The following AMPD2 variants were observed in gnomAD, a reference collection of about 807,000 sequenced individuals.
AMPD2 encodes adenosine monophosphate deaminase 2.
In AMPD2, 52 loss-of-function variants were observed where a neutral mutation model predicts 91.3. The ratio of observed to expected loss-of-function variants is 0.57; its 90% confidence interval spans 0.46 to 0.72. The LOEUF is 0.72. AMPD2 is among the 30% of genes least tolerant of loss of function. The probability of loss-of-function intolerance (pLI) is 0.00; values close to 1 mark genes in which losing one functional copy is unlikely to be tolerated. For missense variants in AMPD2, 822 were observed against 1,122.3 expected (o/e 0.73, Z 3.82); for synonymous variants, 455 against 456.4 (o/e 1.00, Z 0.04).
intron 2 of AMPD2, chr1:109,622,246 C>T: frequency 2.2e-6 from 1 of 456,326 alleles, no homozygotes; most frequent in African/African-American, 2.0e-5. Context: ...CTGTGCCATC[C>T]AGAAAGGGTG....
At position 109,620,954 on chromosome 1, in the gene AMPD2, G is replaced by C. The variant is rs1650195615; in HGVS notation, c.-222G>C. The C allele has an allele frequency of 6.6e-7, 1 of 1,525,686 alleles. No homozygotes were observed. Among genetic ancestry groups the C allele is most frequent in the Non-Finnish European group, 8.8e-7 (1 of 1,137,476 alleles). The allele number at this position is 1,525,686 out of a possible 1,614,324, so 94.5% of individuals were successfully genotyped here. ...GTCACGTCACTCCTGGGACTGAGGAGGCAGGGGAGGGATAAGGGGCAGAGA... is the reference window on the plus strand; with the variant it reads ...GTCACGTCACTCCTGGGACTGAGGACGCAGGGGAGGGATAAGGGGCAGAGA... On this transcript the variant is annotated 5_prime_UTR_variant, in exon 2 of 19. Coordinates refer to ENST00000528667, the MANE Select transcript of AMPD2 (RefSeq NM_001368809.2).
chr1:109,621,505 C>A, intron 2 of AMPD2: 1 of 627,886 alleles, frequency 1.6e-6, no homozygotes, highest in Non-Finnish European at 2.9e-6. Context: ...AAGGAGTGGG[C>A]ATGGTGTGGG....
intron 2 of AMPD2, among the ~76,000 whole-genome samples, chr1:109,621,644 C>CT (rs1189974886): frequency 6.6e-6 from 1 of 152,190 alleles, no homozygotes; most frequent in Non-Finnish European, 1.5e-5. Context: ...TGACTGGCGC[C>CT]TGTGCCTTTA....
chr1:109,620,046 T>G lies in AMPD2; in HGVS notation c.-495T>G, dbSNP rs1399639753. ...GGGTTGGGTGGTCGCGACACCGGGGTCGCCTTGAGGCCAGTCCGGCTGCCG... is the reference window on the plus strand; with the variant it reads ...GGGTTGGGTGGTCGCGACACCGGGGGCGCCTTGAGGCCAGTCCGGCTGCCG... On this transcript the variant is annotated 5_prime_UTR_variant, in exon 1 of 19. Transcript: ENST00000528667. The G allele has an allele frequency of 5.2e-6, 3 of 574,568 alleles. No individual in the cohort carries two copies. The highest frequency in any genetic ancestry group is 6.2e-6 in the Non-Finnish European group (2 of 320,936). 35.6% of individuals were successfully genotyped at this position (574,568 alleles called of 1,614,324 possible).
intron 4 of AMPD2, 29 bp from the exon 5 acceptor site, chr1:109,626,131 G>A (rs774088979): frequency 1.2e-6 from 2 of 1,613,580 alleles, no homozygotes; most frequent in South Asian, 2.2e-5. Flanking sequence ...CTCGGGATCT[G>A]CCTGACTTCT....
chr1:109,627,246 G>T lies in AMPD2; in HGVS notation c.790G>T (p.Asp264Tyr). 1.2e-6 allele frequency: 2 copies of T among 1,612,390 alleles called. No homozygotes were observed. Among genetic ancestry groups the T allele is most frequent in the South Asian group, 1.1e-5 (1 of 90,862 alleles). Reference sequence around the variant, plus strand: ...CTGTGAGCCAAGCACCATGCCTGGGGACCTGGGCTTGGGTCTGCGCATGGT... The same window carrying T: ...CTGTGAGCCAAGCACCATGCCTGGGTACCTGGGCTTGGGTCTGCGCATGGT... The part of the protein sequence containing the change: ...EHCEPSTMPG[D>Y]LGLGLRMVRG... Residue 264 changes from aspartate to tyrosine, a missense_variant, in exon 8 of 19, where the codon GAC (aspartate) becomes TAC (tyrosine). Coordinates refer to ENST00000528667, the MANE Select transcript of AMPD2 (RefSeq NM_001368809.2).
In AMPD2 at chr1:109,632,006, C is replaced by A. The variant is rs567891907; in HGVS notation, c.*854C>A. The A allele has an allele frequency of 2.0e-5, 3 of 152,646 alleles. No individual in the cohort carries two copies. Among genetic ancestry groups the A allele is most frequent in the Non-Finnish European group, 1.5e-5 (1 of 68,076 alleles). The allele number at this position is 152,646 out of a possible 1,614,324, so 9.5% of individuals were successfully genotyped here. A position where few individuals can be genotyped will look rare whatever the true frequency, so the allele number is the denominator to read the frequency against. On this transcript the variant is annotated 3_prime_UTR_variant, in exon 19 of 19. Transcript: ENST00000528667. ...TTGCTGTGAACTGCAGTGTTTCATA[C>A]GAACCATCTTTCCTAGTGCATGAGA...
intron 15 of AMPD2, 21 bp downstream of exon 15, chr1:109,629,511 C>T: frequency 6.2e-7 from 1 of 1,609,400 alleles, no homozygotes; most frequent in East Asian, 2.2e-5. Flanking sequence ...CACCCTGTGT[C>T]TGCTTGCTAT....
chr1:109,631,212 C>T lies in AMPD2; in HGVS notation c.*60C>T. On this transcript the variant is annotated 3_prime_UTR_variant, in exon 19 of 19. Coordinates refer to ENST00000528667, the MANE Select transcript of AMPD2 (RefSeq NM_001368809.2). ...CTTTTACCACGTTTTGTCCTCAGAC[C>T]CCGCCCATGCTGTGTGGTCTCTGCA... 1 of 1,466,178 alleles carries T rather than the reference C, an allele frequency of 6.8e-7. No individual in the cohort carries two copies. Among genetic ancestry groups the T allele is most frequent in the South Asian group, 1.2e-5 (1 of 82,182 alleles). The allele number at this position is 1,466,178 out of a possible 1,614,324, so 90.8% of individuals were successfully genotyped here.
At chr1:109,622,199 G>T (rs993698806) in intron 2 of AMPD2, 2 of 456,134 alleles carry the variant, frequency 4.4e-6, no homozygotes, top group African/African-American at 4.0e-5. Context: ...CTGGTGCAAG[G>T]TCTCTACTGT....
chr1:109,628,019 C>A lies in AMPD2; in HGVS notation c.1081-64C>A. 6.3e-7 allele frequency: 1 copy of A among 1,596,930 alleles called. No homozygotes were observed. ...CAGTACAGAGGGTCCTTTCCCATTGCACTGCCCCAGGCCCCAGACCTTCCT... is the reference window on the plus strand; with the variant it reads ...CAGTACAGAGGGTCCTTTCCCATTGAACTGCCCCAGGCCCCAGACCTTCCT... On this transcript the variant is annotated intron_variant, in intron 10 of 18. Coordinates refer to ENST00000528667, the MANE Select transcript of AMPD2 (RefSeq NM_001368809.2). The surrounding 1 kb of genome is among the most constrained non-coding windows in gnomAD (Gnocchi z 7.1).
At position 109,626,693 on chromosome 1, in the gene AMPD2, C is replaced by T. The variant is rs749670390; in HGVS notation, c.532-33C>T. 1.2e-5 allele frequency: 19 copies of T among 1,597,728 alleles called. No individual in the cohort carries two copies. In the East Asian group the frequency reaches 3.4e-4, roughly 28 times the overall value. ...AGGGAGGAGGTCTCTGAGTCCAAGA[C>T]TGAGGAGAGTGATCGCATATCCTCA... On this transcript the variant is annotated intron_variant, in intron 6 of 18. Coordinates refer to ENST00000528667, the MANE Select transcript of AMPD2 (RefSeq NM_001368809.2).
At position 109,626,376 on chromosome 1, in the gene AMPD2, G is replaced by C. The variant is rs368102578; in HGVS notation, c.480G>C (p.Val160=). 8.1e-6 allele frequency: 13 copies of C among 1,612,248 alleles called. 1 individual carries two copies. The highest frequency in any genetic ancestry group is 1.7e-4 in the Middle Eastern group (1 of 6,034). Residue 160 remains valine (V), a synonymous_variant, in exon 6 of 19, where the codon GTG becomes GTC. Coordinates refer to ENST00000528667, the MANE Select transcript of AMPD2 (RefSeq NM_001368809.2). ...QGDRSLRERD[V]LEREFQRVTI... Reference sequence around the variant, plus strand: ...ACCGGAGCCTGCGGGAGCGTGATGTGCTGGAACGGGAGTTTCAGCGGGTCA... The same window carrying C: ...ACCGGAGCCTGCGGGAGCGTGATGTCCTGGAACGGGAGTTTCAGCGGGTCA...
Position 109,625,703 on chromosome 1 carries a change from TGC to T in AMPD2, c.265_266del (p.Ala89ProfsTer3). 1 of 1,614,160 alleles carries T rather than the reference TGC, an allele frequency of 6.2e-7. No homozygotes were observed. The highest frequency in any genetic ancestry group is 1.7e-5 in the Admixed American group (1 of 60,026). ...CACTGGCTGAGAGCGAGCTCCGTAG[TGC>T]CCCGTATGAGTTCCCCGAGGAGAGC... ...RSLAESELRS[A>X]PYEFPEESPI... On this transcript the variant is annotated frameshift_variant, in exon 4 of 19. Transcript: ENST00000528667. LOFTEE classifies it high-confidence loss of function. This position sits in a 1 kb window ranked among gnomAD's most constrained non-coding sequence, Gnocchi z 4.0.
Position 109,626,441 on chromosome 1 carries a change from G to GT in AMPD2, c.531+15dup. 6.3e-7 allele frequency: 1 copy of GT among 1,593,328 alleles called. No individual in the cohort carries two copies. ...GAGAAGTGTGGGGTAAGTATGGGGT[G>GT]TATGTTGGGTGAGTCGCCATCACCT... is the stretch of plus-strand genomic sequence containing the variant. On this transcript the variant is annotated intron_variant, in intron 6 of 18. Transcript: ENST00000528667.
Position 109,626,838 on chromosome 1 carries a change from AC to A in AMPD2, c.646del (p.Leu216CysfsTer93), listed in dbSNP as rs775612117. The A allele has an allele frequency of 1.9e-6, 3 of 1,613,858 alleles. No homozygotes were observed. Among genetic ancestry groups the A allele is most frequent in the Non-Finnish European group, 2.5e-6 (3 of 1,179,914 alleles). ...LQSFCPTTRR[Y>X]LQQLAEKPLE... The stretch of plus-strand genomic sequence containing the variant: ...AGCTTCTGCCCCACCACCCGCCGCT[AC>A]CTGCAGCAGCTGGCTGAAAAGCCTC... On this transcript the variant is annotated frameshift_variant, in exon 7 of 19. Coordinates refer to ENST00000528667, the MANE Select transcript of AMPD2 (RefSeq NM_001368809.2). LOFTEE classifies it high-confidence loss of function.
At position 109,630,365 on chromosome 1, in the gene AMPD2, T is replaced by A. The variant is rs1193449887; in HGVS notation, c.2116T>A (p.Ser706Thr). Residue 706 changes from serine to threonine, a missense_variant, in exon 17 of 19, where the codon TCC becomes ACC. Transcript: ENST00000528667. Reference sequence around the variant, plus strand: ...GTACCTGTCCCGCGGCCTCATGGTCTCCCTGTCCACTGATGATCCCTTGCA... The same window carrying A: ...GTACCTGTCCCGCGGCCTCATGGTCACCCTGTCCACTGATGATCCCTTGCA... ...PEYLSRGLMV[S>T]LSTDDPLQFH... 6.2e-7 allele frequency: 1 copy of A among 1,613,374 alleles called. No individual in the cohort carries two copies. Among genetic ancestry groups the A allele is most frequent in the Admixed American group, 1.7e-5 (1 of 59,930 alleles).
rs1406434108 is a variant in AMPD2 at position 109,629,329 on chromosome 1, G to T, written c.1701G>T (p.Val567=). 1 of 1,614,136 alleles carries T rather than the reference G, an allele frequency of 6.2e-7. No individual in the cohort carries two copies. Among genetic ancestry groups the T allele is most frequent in the Admixed American group, 1.7e-5 (1 of 60,024 alleles). Residue 567 remains valine, a splice_region_variant and synonymous_variant, in exon 15 of 19, where the codon GTG becomes GTT. Transcript: ENST00000528667. Reference sequence around the variant, plus strand: ...CTGACCCCAGGGTTCTGTATTAGGTGGATGGTTTTGACAGCGTGGATGATG... The same window carrying T: ...CTGACCCCAGGGTTCTGTATTAGGTTGATGGTTTTGACAGCGTGGATGATG... ...HPELHLFLEH[V]DGFDSVDDES...
At chr1:109,623,702 G>GACCTGCCCACTCACTGT (rs1012571347) in intron 2 of AMPD2, 5 of 152,570 alleles carry the variant, frequency 3.3e-5, no homozygotes, top group African/African-American at 1.2e-4. Flanking sequence ...GGCCAGCCAG[G>GACCTGCCCACTCACTGT]CCCTGCCCAC....
Sources: allele counts gnomAD v4.1 joint callset (sites outside exome capture counted in the v4.1 genomes callset), GRCh38; gene constraint gnomAD v4.1.1; non-coding constraint Gnocchi (gnomAD v3.1); transcripts MANE v1.5; gene names NCBI Gene and HGNC (gene_info 2026-07-23, HGNC 2026-07-21).